DST: variants seen among roughly 807,000 people sequenced by gnomAD.
The protein encoded by DST is bullous pemphigoid antigen.
Under a neutral mutation model 875.2 loss-of-function variants are expected in DST, and 253 were observed. The observed-to-expected ratio is 0.29, with a 90% CI of 0.26 to 0.32. DST has a LOEUF of 0.32. Among genes scored for constraint, DST ranks in the 10% least tolerant of loss-of-function variants. DST has a pLI of 1.00. For missense variants in DST, 8,287 were observed against 9,111.6 expected, an observed-to-expected ratio of 0.91 and a Z score of 3.68; for synonymous variants, 3,124 against 3,197.1, an observed-to-expected ratio of 0.98 and a Z score of 0.77.
chr6:56,715,330 A>G (rs1392213767), intron 5 of DST, among the ~76,000 whole-genome samples: 3 of 152,202 alleles, frequency 2.0e-5, no homozygotes, highest in African/African-American at 7.2e-5. Context: ...CTGAATGACT[A>G]ACACATTGAA....
Position 56,610,449 on chromosome 6 carries a change from C to G in DST, c.5261G>C (p.Gly1754Ala). 6.4e-7 allele frequency: 1 copy of G among 1,563,868 alleles called. No homozygotes were observed. Among genetic ancestry groups the G allele is most frequent in the Non-Finnish European group, 8.7e-7 (1 of 1,152,822 alleles). The stretch of plus-strand genomic sequence containing the variant: ...TACCTTCTCCTCTACCTTTACATCT[C>G]CTGAGGTTTGTGATTCTTGTAGCTG... ...LKQLQESQTS[G>A]DVKVEEKLDK... Residue 1754 changes from glycine (G) to alanine (A), a missense_variant, in exon 39 of 104, where the codon GGA becomes GCA. This residue lies in a region of DST where 3,138 missense variants were observed against 3,116.6 expected (regional missense o/e 1.01). Coordinates refer to ENST00000680361, the MANE Select transcript of DST (RefSeq NM_001374736.1).
intron 61 of DST, among the ~76,000 whole-genome samples, chr6:56,550,407 T>C (rs2097302787): frequency 6.6e-6 from 1 of 152,220 alleles, no homozygotes; most frequent in Non-Finnish European, 1.5e-5. Context: ...CTATATTTCT[T>C]CACAATCAAA....
chr6:56,743,626 A>G (rs1467687301), intron 4 of DST, among the ~76,000 whole-genome samples: 1 of 152,104 alleles, frequency 6.6e-6, no homozygotes, highest in Non-Finnish European at 1.5e-5. Context: ...GTTGTTCTCA[A>G]TTACACACAC....
intron 5 of DST, among the ~76,000 whole-genome samples, chr6:56,731,394 A>G (rs1421423549): frequency 6.6e-6 from 1 of 152,190 alleles, no homozygotes; most frequent in Admixed American, 6.5e-5. Flanking sequence ...TGTTTTCTTC[A>G]TTTCATTTTT....
At chr6:56,623,208 T>C (rs2098705796) in intron 36 of DST, among the ~76,000 whole-genome samples, 1 of 152,226 alleles carries the variant, frequency 6.6e-6, no homozygotes, top group Non-Finnish European at 1.5e-5. Flanking sequence ...TATCAATTGT[T>C]AGCATTCTGC....
At position 56,511,416 on chromosome 6, in the gene DST, C is replaced by T; in HGVS notation, c.18577-16G>A. The stretch of plus-strand genomic sequence containing the variant: ...CACGCAGTTGCTATAACAAACCAAA[C>T]AGCTTTTCAGTATCTCAGGGTCACA... On this transcript the variant is annotated splice_polypyrimidine_tract_variant and intron_variant, in intron 72 of 103. Coordinates refer to ENST00000680361, the MANE Select transcript of DST (RefSeq NM_001374736.1). 6.3e-7 allele frequency: 1 copy of T among 1,581,620 alleles called. No homozygotes were observed. Among genetic ancestry groups the T allele is most frequent in the South Asian group, 1.2e-5 (1 of 86,868 alleles).
intron 4 of DST, among the ~76,000 whole-genome samples, chr6:56,840,634 T>C (rs978109966): frequency 2.0e-5 from 3 of 152,194 alleles, no homozygotes; most frequent in Non-Finnish European, 4.4e-5. Context: ...TCAGAAGTAA[T>C]GGACCAAAAC....
chr6:56,650,871 G>A (rs2152798541), intron 12 of DST, 55 bp downstream of exon 12: 2 of 1,076,672 alleles, frequency 1.9e-6, no homozygotes, highest in East Asian at 4.8e-5. Flanking sequence ...AATAAATGCA[G>A]TCAATTGGTC....
intron 13 of DST, 63 bp from the exon 14 acceptor site, chr6:56,646,245 T>A: frequency 1.1e-6 from 1 of 916,450 alleles, no homozygotes; most frequent in Non-Finnish European, 1.6e-6. Flanking sequence ...ATGATCTCAC[T>A]AAGCCACCAC....
chr6:56,482,782 G>C lies in DST; in HGVS notation c.21303C>G (p.Ser7101=). The stretch of plus-strand genomic sequence containing the variant: ...ATTCCTGCATCTGGACCTTGACCCA[G>C]GAGGAGTCATCCCGACTGCCTTCTA... ...ELIEGSRDDS[S]WVKVQMQELS... The change falls in exon 89 of 104, where the codon TCC becomes TCG. Residue 7101 remains serine, a synonymous_variant. Transcript: ENST00000680361. 1 of 1,613,818 alleles carries C rather than the reference G, an allele frequency of 6.2e-7. No homozygotes were observed. The highest frequency in any genetic ancestry group is 8.5e-7 in the Non-Finnish European group (1 of 1,179,794).
intron 22 of DST, among the ~76,000 whole-genome samples, chr6:56,637,981 A>G (rs1256808398): frequency 6.6e-6 from 1 of 152,152 alleles, no homozygotes; most frequent in Admixed American, 6.5e-5. Context: ...TATTTTTTTC[A>G]TATAAAATAT....
In DST at chr6:56,954,112, C is replaced by A. The variant is rs560673689; in HGVS notation, c.182-293G>T. On this transcript the variant is annotated intron_variant, in intron 1 of 103. Coordinates refer to ENST00000680361, the MANE Select transcript of DST (RefSeq NM_001374736.1). ...AGGATGCGTGAAGGCGAGGCTGGCG[C>A]AGCCCCGGACTACGCTCAAATTACC... 7.2e-5 allele frequency among the ~76,000 whole-genome samples: 11 copies of A among 152,370 alleles called. No homozygotes were observed. The East Asian group carries it at 2.1e-3, about 29-fold the overall frequency.
intron 61 of DST, among the ~76,000 whole-genome samples, chr6:56,543,020 G>A (rs1252844991): frequency 1.3e-5 from 2 of 152,270 alleles, no homozygotes; most frequent in African/African-American, 4.8e-5. Flanking sequence ...GGCCACTGGG[G>A]AGAGGGACAG....
chr6:56,631,186 A>G (rs747150796), intron 30 of DST, 25 bp downstream of exon 30: 2 of 1,420,300 alleles, frequency 1.4e-6, no homozygotes, highest in Non-Finnish European at 1.9e-6. Context: ...GAAGCAATTT[A>G]TATATTGAGA....
rs778603275 is a variant in DST, at chr6:56,608,464, G to A, written c.6164C>T (p.Thr2055Ile). 4.3e-6 allele frequency: 7 copies of A among 1,613,736 alleles called. No homozygotes were observed. In the Admixed American group the frequency reaches 1.0e-4, roughly 23 times the overall value. The change falls in exon 40 of 104, where the codon ACT (threonine) becomes ATT (isoleucine). Residue 2055 changes from threonine to isoleucine, a missense_variant. This residue lies in a region of DST where 3,138 missense variants were observed against 3,116.6 expected (regional missense o/e 1.01). Transcript: ENST00000680361. ...CAGGACCAGAAGAGCACTGCTGGAA[G>A]TTATTAAATCACACTGTACTGCTTC... The part of the protein sequence containing the change: ...VDEAVQCDLI[T>I]SSSALLVLEA...
intron 3 of DST, among the ~76,000 whole-genome samples, chr6:56,857,136 C>T (rs1013044123): frequency 1.3e-5 from 2 of 151,948 alleles, no homozygotes; most frequent in Non-Finnish European, 2.9e-5. Context: ...CTCAACCTCT[C>T]GAGTAGCTGG....
chr6:56,884,321 G>A (rs1409149169), intron 3 of DST, among the ~76,000 whole-genome samples: 1 of 152,104 alleles, frequency 6.6e-6, no homozygotes, highest in African/African-American at 2.4e-5. Context: ...TTGTTCTAGA[G>A]TTTCCCACAC....
chr6:56,508,711 T>C lies in DST; in HGVS notation c.19057A>G (p.Ile6353Val). 3 of 1,613,794 alleles carry C rather than the reference T, an allele frequency of 1.9e-6. No individual in the cohort carries two copies. The highest frequency in any genetic ancestry group is 1.7e-4 in the Middle Eastern group (1 of 6,060). The change falls in exon 75 of 104, where the codon ATA becomes GTA. Residue 6353 changes from isoleucine (I) to valine (V), a missense_variant. Ile to Val is a conservative substitution (Grantham distance 29). Coordinates refer to ENST00000680361, the MANE Select transcript of DST (RefSeq NM_001374736.1). The part of the protein sequence containing the change: ...LDQMVFIWEN[I>V]HTLVEEREAK... ...TCCCTCTCTTCCACCAGTGTGTGTA[T>C]GTTCTCCCAAATGAAAACCATTTGG...
rs9296849 is a variant in DST, at chr6:56,509,956, C to A, written c.18781-83G>T. 764,674 of 1,097,784 alleles carry A rather than the reference C, an allele frequency of 0.7. 268,020 individuals carry two copies. Among genetic ancestry groups the A allele is most frequent in the Non-Finnish European group, 0.71 (552,323 of 778,450 alleles). The allele number at this position is 1,097,784 out of a possible 1,614,324, so 68.0% of individuals were successfully genotyped here. A position where few individuals can be genotyped will look rare whatever the true frequency, so the allele number is the denominator to read the frequency against. On this transcript the variant is annotated intron_variant, in intron 73 of 103. Transcript: ENST00000680361. ...AATTTAAATGAAAAAACATTTTTTACAATTTAATGTCAGAATTAAGAATAA... is the reference window on the plus strand; with the variant it reads ...AATTTAAATGAAAAAACATTTTTTAAAATTTAATGTCAGAATTAAGAATAA...
Sources: allele counts gnomAD v4.1 joint callset (sites outside exome capture counted in the v4.1 genomes callset), GRCh38; gene constraint gnomAD v4.1.1; regional missense constraint gnomAD v4.1.1; transcripts MANE v1.5; gene names NCBI Gene and HGNC (gene_info 2026-07-23, HGNC 2026-07-21).